The following CCDC171 variants were observed in gnomAD, a reference collection of about 807,000 sequenced individuals.
CCDC171 encodes coiled-coil domain containing 171.
A neutral mutation model predicts 168.2 loss-of-function variants in CCDC171; 177 were observed. The observed-to-expected ratio is 1.05, with a 90% CI of 0.93 to 1.19. CCDC171 has a LOEUF of 1.19. CCDC171 is among the 50% of genes most tolerant of loss of function. The pLI, the probability that CCDC171 is intolerant of heterozygous loss-of-function variation, is 0.00. For missense variants in CCDC171, 1,991 were observed against 1,539.0 expected (o/e 1.29, Z -4.91); for synonymous variants, 687 against 540.8 (o/e 1.27, Z -3.75).
chr9:16,032,814 G>T (rs995540005), intron 6 of CCDC171, among the ~76,000 whole-genome samples: 1 of 152,146 alleles, frequency 6.6e-6, no homozygotes, highest in African/African-American at 2.4e-5. Context: ...ATAAGGATTA[G>T]CTCCTAGAAC....
chr9:15,583,513 G>A (rs945357823), intron 4 of CCDC171, among the ~76,000 whole-genome samples: 3 of 152,106 alleles, frequency 2.0e-5, no homozygotes, highest in Non-Finnish European at 4.4e-5. Context: ...GATGGAGCTG[G>A]AGGCCATTAT....
downstream of CCDC171, among the ~76,000 whole-genome samples, chr9:15,978,697 A>G (rs12686608): frequency 0.051 from 7,806 of 152,272 alleles, 424 homozygotes; most frequent in African/African-American, 0.12. Context: ...CACCTAGGTT[A>G]GAGCACATAC....
chr9:16,030,908 A>G (rs1833355441), intron 6 of CCDC171, among the ~76,000 whole-genome samples: 1 of 152,134 alleles, frequency 6.6e-6, no homozygotes, highest in Non-Finnish European at 1.5e-5. Context: ...AGATTAATGG[A>G]CTTCAAAGCA....
chr9:16,100,031 A>AG, the CCDC171 span, among the ~76,000 whole-genome samples: 1 of 151,864 alleles, frequency 6.6e-6, no homozygotes, highest in Non-Finnish European at 1.5e-5. Flanking sequence ...AATCTAATCC[A>AG]GGCTTTGCAA....
At chr9:15,969,515 C>T (rs540469160) in intron 25 of CCDC171, among the ~76,000 whole-genome samples, 2 of 152,230 alleles carry the variant, frequency 1.3e-5, no homozygotes, top group African/African-American at 4.8e-5. Context: ...GAAGAAAATA[C>T]CCCCAGAGGA....
At chr9:16,062,628 A>G (rs1481446456), downstream of CCDC171, among the ~76,000 whole-genome samples, 1 of 152,232 alleles carries the variant, frequency 6.6e-6, no homozygotes, top group Non-Finnish European at 1.5e-5. Context: ...TCCTGCATTC[A>G]TTCACTCCAC....
intron 6 of CCDC171, among the ~76,000 whole-genome samples, chr9:16,024,026 A>C (rs1191398929): frequency 6.6e-6 from 1 of 152,046 alleles, no homozygotes; most frequent in Non-Finnish European, 1.5e-5. Context: ...AAAAGTTGTG[A>C]TGAGGGAAGC....
At chr9:15,846,674 A>G in intron 21 of CCDC171, 28 bp from the exon 22 acceptor site, 5 of 1,610,298 alleles carry the variant, frequency 3.1e-6, no homozygotes, top group Non-Finnish European at 4.2e-6. Context: ...AGGGCTGACA[A>G]GTAACTCTGT....
intron 24 of CCDC171, among the ~76,000 whole-genome samples, chr9:15,892,661 T>C (rs1300050932): frequency 6.6e-6 from 1 of 152,042 alleles, no homozygotes; most frequent in Non-Finnish European, 1.5e-5. Flanking sequence ...AGTCAAATCA[T>C]GAATGAATTT....
intron 21 of CCDC171, among the ~76,000 whole-genome samples, chr9:15,802,267 A>T (rs888099959): frequency 6.6e-6 from 1 of 151,202 alleles, no homozygotes; most frequent in African/African-American, 2.4e-5. Flanking sequence ...TCAACTTTTA[A>T]GTTTAGGGGT....
the CCDC171 span, among the ~76,000 whole-genome samples, chr9:16,074,018 G>A: frequency 6.6e-6 from 1 of 152,102 alleles, no homozygotes; most frequent in Non-Finnish European, 1.5e-5. Flanking sequence ...AGTGCAAACT[G>A]CTTATCTTTT....
intron 18 of CCDC171, among the ~76,000 whole-genome samples, chr9:15,769,683 T>TC (rs1270314563): frequency 2.0e-5 from 3 of 152,092 alleles, no homozygotes; most frequent in Non-Finnish European, 2.9e-5. Flanking sequence ...CATCATAGTC[T>TC]CCCCCGTACC....
rs575627923 is a variant in CCDC171, at chr9:15,992,909, G to A, written n.369-27680G>A. On this transcript the variant is annotated intron_variant and non_coding_transcript_variant, in intron 3 of 9. Coordinates refer to the CCDC171 transcript ENST00000486641. The stretch of plus-strand genomic sequence containing the variant: ...CAAGGGATGTGAAGGACCTCTTCAT[G>A]GAGAATTACAAACCACTGCTCAACA... Among the ~76,000 whole-genome samples the A allele has an allele frequency of 3.9e-5, 6 of 152,196 alleles. No homozygotes were observed. In the East Asian group the frequency reaches 1.2e-3, roughly 29 times the overall value.
intron 24 of CCDC171, among the ~76,000 whole-genome samples, chr9:15,877,163 T>C (rs866567231): frequency 2.0e-4 from 28 of 140,870 alleles, no homozygotes; most frequent in Admixed American, 6.2e-4. Context: ...AGCTTTCCCC[T>C]CCAACTTTCT....
intron 16 of CCDC171, among the ~76,000 whole-genome samples, chr9:15,738,084 A>G (rs1332389008): frequency 6.6e-6 from 1 of 152,218 alleles, no homozygotes; most frequent in African/African-American, 2.4e-5. Context: ...AAGTCCTTTG[A>G]TGTCTATATG....
At chr9:15,964,538 G>C (rs562337248) in intron 25 of CCDC171, among the ~76,000 whole-genome samples, 1 of 152,178 alleles carries the variant, frequency 6.6e-6, no homozygotes, top group African/African-American at 2.4e-5. Flanking sequence ...GTTGTGTCAG[G>C]ATTGTCAGGT....
the CCDC171 span, among the ~76,000 whole-genome samples, chr9:16,083,662 C>A: frequency 6.6e-6 from 1 of 152,142 alleles, no homozygotes; most frequent in African/African-American, 2.4e-5. Context: ...TCCTATCTTT[C>A]TTAAAGGCCC....
intron 24 of CCDC171, among the ~76,000 whole-genome samples, chr9:15,914,769 C>G (rs1350138867): frequency 3.9e-5 from 6 of 152,032 alleles, no homozygotes; most frequent in Non-Finnish European, 8.8e-5. Flanking sequence ...ACTCAGGGCC[C>G]TTGTGATGTA....
intron 2 of CCDC171, among the ~76,000 whole-genome samples, chr9:15,567,367 A>T (rs1242107802): frequency 6.6e-6 from 1 of 152,194 alleles, no homozygotes; most frequent in African/African-American, 2.4e-5. Context: ...AAGTTTTGAA[A>T]TTAGGAATCA....
Sources: allele counts gnomAD v4.1 joint callset (sites outside exome capture counted in the v4.1 genomes callset), GRCh38; gene constraint gnomAD v4.1.1; transcripts MANE v1.5; gene names NCBI Gene and HGNC (gene_info 2026-07-23, HGNC 2026-07-21).